SYN3: variants seen among roughly 807,000 people sequenced by gnomAD.
SYN3 encodes synapsin-3.
Under a neutral mutation model 65.8 loss-of-function variants are expected in SYN3, and 35 were observed. That is an observed-to-expected ratio of 0.53 (90% CI 0.41 to 0.70). SYN3 has a LOEUF of 0.70. Among genes scored for constraint, SYN3 ranks in the 30% least tolerant of loss-of-function variants. The pLI is 0.00. For synonymous variants in SYN3, 270 were observed against 292.9 expected, an observed-to-expected ratio of 0.92 and a Z score of 0.80; for missense variants, 680 against 749.0, an observed-to-expected ratio of 0.91 and a Z score of 1.08.
At chr22:33,007,463 T>G (rs1444284052) in intron 1 of SYN3, among the ~76,000 whole-genome samples, 5 of 152,180 alleles carry the variant, frequency 3.3e-5, no homozygotes, top group South Asian at 2.1e-4. Flanking sequence ...CTCACCAAAT[T>G]TATATGTTGA....
At chr22:32,604,702 C>G (rs544646943) in intron 6 of SYN3, among the ~76,000 whole-genome samples, 1 of 152,312 alleles carries the variant, frequency 6.6e-6, no homozygotes, top group South Asian at 2.1e-4. Flanking sequence ...GCTCTAGACA[C>G]CATTTAGAAT....
At chr22:32,738,095 T>A (rs2061357486) in intron 6 of SYN3, among the ~76,000 whole-genome samples, 1 of 152,216 alleles carries the variant, frequency 6.6e-6, no homozygotes, top group African/African-American at 2.4e-5. Flanking sequence ...CCACCACTTG[T>A]TTAACGTTGA....
At chr22:32,563,140 G>A (rs943981034) in intron 7 of SYN3, among the ~76,000 whole-genome samples, 5 of 152,236 alleles carry the variant, frequency 3.3e-5, no homozygotes, top group African/African-American at 1.2e-4. Context: ...TCAACTGTAC[G>A]CTGGTTATTA....
intron 1 of SYN3, among the ~76,000 whole-genome samples, chr22:33,033,539 T>C (rs1276542132): frequency 6.6e-6 from 1 of 152,138 alleles, no homozygotes. Context: ...TTATTTCCTG[T>C]CAGACTCCCC....
intron 6 of SYN3, among the ~76,000 whole-genome samples, chr22:32,713,960 CAGTTATGTG>C (rs1454361723): frequency 2.0e-5 from 3 of 152,124 alleles, no homozygotes; most frequent in Non-Finnish European, 4.4e-5. Context: ...CCCAGTAACC[CAGTTATGTG>C]TGACTACGAA....
At chr22:32,555,076 A>G (rs765292633) in intron 7 of SYN3, among the ~76,000 whole-genome samples, 1 of 152,230 alleles carries the variant, frequency 6.6e-6, no homozygotes, top group Non-Finnish European at 1.5e-5. Context: ...GGCCTGGCAC[A>G]TAGTAGGTCC....
At chr22:32,649,863 G>T (rs530518385) in intron 6 of SYN3, among the ~76,000 whole-genome samples, 154 of 152,234 alleles carry the variant, frequency 1.0e-3, no homozygotes, top group Non-Finnish European at 1.8e-3. Flanking sequence ...GACAAATAAT[G>T]ACTTGAAATT....
intron 4 of SYN3, among the ~76,000 whole-genome samples, chr22:32,871,039 C>G (rs1209344291): frequency 6.6e-6 from 1 of 152,164 alleles, no homozygotes; most frequent in Non-Finnish European, 1.5e-5. Flanking sequence ...AATGAGACAT[C>G]CACTCCTCCC....
At chr22:32,749,454 A>T (rs528668938) in intron 6 of SYN3, among the ~76,000 whole-genome samples, 1 of 152,254 alleles carries the variant, frequency 6.6e-6, no homozygotes, top group South Asian at 2.1e-4. Context: ...AGCCTGGCCA[A>T]GATGGTGAAA....
intron 1 of SYN3, among the ~76,000 whole-genome samples, chr22:33,045,991 TA>T (rs957120498): frequency 4.9e-5 from 7 of 143,066 alleles, no homozygotes; most frequent in African/African-American, 1.8e-4. Flanking sequence ...AGCTCAACAA[TA>T]AAAAAAGCAA....
intron 7 of SYN3, among the ~76,000 whole-genome samples, chr22:32,587,973 G>T (rs1371529879): frequency 6.6e-6 from 1 of 152,110 alleles, no homozygotes; most frequent in African/African-American, 2.4e-5. Flanking sequence ...TACTGCTTGT[G>T]CCTCAGTTTC....
intron 6 of SYN3, among the ~76,000 whole-genome samples, chr22:32,702,618 T>C (rs1018165349): frequency 6.6e-6 from 1 of 152,244 alleles, no homozygotes; most frequent in Non-Finnish European, 1.5e-5. Flanking sequence ...CCACTTAACA[T>C]ATGTTAACCT....
Position 32,801,834 on chromosome 22 carries a change from G to A in SYN3, c.711+63081C>T. ...GCCAGCGCCGAGGCAGCCTCGCTGC[G>A]CCCCATCCCGTCCCGCCGGGCACTC... On this transcript the variant is annotated intron_variant, in intron 6 of 13. Coordinates refer to ENST00000358763, the MANE Select transcript of SYN3 (RefSeq NM_003490.4). The surrounding 1 kb of genome is among the most constrained non-coding windows in gnomAD (Gnocchi z 4.7). 1 of 814,772 alleles carries A rather than the reference G, an allele frequency of 1.2e-6. No individual in the cohort carries two copies. Among genetic ancestry groups the A allele is most frequent in the Non-Finnish European group, 1.6e-6 (1 of 622,586 alleles). 50.5% of individuals were successfully genotyped at this position (814,772 alleles called of 1,614,324 possible). A position where few individuals can be genotyped will look rare whatever the true frequency, so the allele number is the denominator to read the frequency against.
At chr22:33,035,330 A>AG (rs2053833926) in intron 1 of SYN3, among the ~76,000 whole-genome samples, 1 of 31,454 alleles carries the variant, frequency 3.2e-5, no homozygotes, top group Non-Finnish European at 6.9e-5. Flanking sequence ...AAATCTCGGG[A>AG]CCCCCCCCCC....
rs536385687 is a variant in SYN3, at chr22:32,526,770, C to T, written c.1318+1148G>A. ...TCCTGACCTCGTGATCCGCCCGCCT[C>T]GGCCTCCCAAAGTGCTGGGATTACA... On this transcript the variant is annotated intron_variant, in intron 12 of 13. Transcript: ENST00000358763. 3.3e-5 allele frequency among the ~76,000 whole-genome samples: 5 copies of T among 152,234 alleles called. No individual in the cohort carries two copies. The East Asian group carries it at 5.8e-4, about 18-fold the overall frequency.
At chr22:33,006,314 G>T in intron 2 of SYN3, 38 bp downstream of exon 2, 1 of 1,550,370 alleles carries the variant, frequency 6.5e-7, no homozygotes, top group Non-Finnish European at 8.7e-7. Context: ...CTCCTCTCTT[G>T]CCCCAGAAGG....
At chr22:32,719,871 A>G (rs930678183) in intron 6 of SYN3, among the ~76,000 whole-genome samples, 12 of 152,176 alleles carry the variant, frequency 7.9e-5, no homozygotes, top group Non-Finnish European at 1.6e-4. Context: ...GAGAGAGAAG[A>G]AAAGAAATAT....
chr22:32,666,762 G>A (rs1410857648), intron 6 of SYN3, among the ~76,000 whole-genome samples: 1 of 152,122 alleles, frequency 6.6e-6, no homozygotes, highest in Non-Finnish European at 1.5e-5. Context: ...GTTTCCCCCT[G>A]TTGGAATGTA....
intron 6 of SYN3, among the ~76,000 whole-genome samples, chr22:32,626,311 C>T (rs1392064208): frequency 6.6e-6 from 1 of 152,166 alleles, no homozygotes; most frequent in Non-Finnish European, 1.5e-5. Context: ...GAAGCTGAGA[C>T]TTCTGTACAC....
Sources: gnomAD v4.1 joint callset for allele counts (sites outside exome capture counted in the v4.1 genomes callset) on GRCh38, gnomAD v4.1.1 for gene constraint, Gnocchi (gnomAD v3.1) non-coding constraint, MANE v1.5 for transcripts, NCBI Gene and HGNC (gene_info 2026-07-23, HGNC 2026-07-21) for gene names.